EFCAB5: variants seen among roughly 807,000 people sequenced by gnomAD.
EFCAB5 encodes EF-hand calcium binding domain 5, also known as EF-hand calcium-binding domain-containing protein 5.
In EFCAB5, 131 loss-of-function variants were observed where a neutral mutation model predicts 167.9. The observed-to-expected ratio is 0.78, with a 90% confidence interval of 0.68 to 0.90. The LOEUF (loss-of-function observed/expected upper bound fraction) is 0.90. Among genes scored for constraint, EFCAB5 ranks in the 40% least tolerant of loss-of-function variants. The pLI, the probability that EFCAB5 is intolerant of heterozygous loss-of-function variation, is 0.00. For synonymous variants in EFCAB5, 574 were observed against 602.8 expected (o/e 0.95, Z 0.70); for missense variants, 1,663 against 1,745.2 (o/e 0.95, Z 0.84).
intron 20 of EFCAB5, among the ~76,000 whole-genome samples, chr17:30,091,270 G>A (rs2151848415): frequency 6.6e-6 from 1 of 152,320 alleles, no homozygotes; most frequent in African/African-American, 2.4e-5. Flanking sequence ...CATCCACTAG[G>A]CTACTCTCAG....
At chr17:29,951,072 A>G (rs1308366981) in intron 3 of EFCAB5, among the ~76,000 whole-genome samples, 1 of 152,218 alleles carries the variant, frequency 6.6e-6, no homozygotes, top group African/African-American at 2.4e-5. Flanking sequence ...TTGCAAATCC[A>G]ACTTAGAGTT....
intron 14 of EFCAB5, among the ~76,000 whole-genome samples, chr17:30,065,319 T>G (rs1260214865): frequency 6.6e-6 from 1 of 152,176 alleles, no homozygotes; most frequent in Non-Finnish European, 1.5e-5. Context: ...TGAATATAAA[T>G]GGATTAAATC....
At chr17:30,008,999 C>T (rs2068834564) in intron 7 of EFCAB5, among the ~76,000 whole-genome samples, 1 of 152,130 alleles carries the variant, frequency 6.6e-6, no homozygotes, top group Non-Finnish European at 1.5e-5. Flanking sequence ...GTTGGCATTC[C>T]TTTACTTGTG....
chr17:29,941,079 A>C (rs1215378252), upstream of EFCAB5, among the ~76,000 whole-genome samples: 1 of 152,116 alleles, frequency 6.6e-6, no homozygotes, highest in African/African-American at 2.4e-5. Flanking sequence ...ACGCTAGAGC[A>C]TTAGATACAT....
At chr17:29,947,764 T>C (rs1369190899) in intron 3 of EFCAB5, among the ~76,000 whole-genome samples, 2 of 152,170 alleles carry the variant, frequency 1.3e-5, no homozygotes, top group African/African-American at 4.8e-5. Context: ...CAACACCACA[T>C]ACATATACTT....
chr17:30,078,285 G>A lies in EFCAB5; in HGVS notation c.2808G>A (p.Gln936=). 6.2e-7 allele frequency: 1 copy of A among 1,613,954 alleles called. No homozygotes were observed. The highest frequency in any genetic ancestry group is 8.5e-7 in the Non-Finnish European group (1 of 1,179,872). Residue 936 remains glutamine (Q), a synonymous_variant, in exon 15 of 23, where the codon CAG becomes CAA. Transcript: ENST00000394835. ...HEVRLSSKQF[Q]NYIELVVSEL... The stretch of plus-strand genomic sequence containing the variant: ...TGAGATTGTCTTCAAAACAATTTCA[G>A]AATTACATAGAATTGGTTGTGTCTG...
intron 4 of EFCAB5, among the ~76,000 whole-genome samples, chr17:29,979,112 G>T (rs2068119836): frequency 6.6e-6 from 1 of 152,174 alleles, no homozygotes; most frequent in Non-Finnish European, 1.5e-5. Context: ...AGCACTTTGG[G>T]AGGCCGAGGT....
Position 30,056,048 on chromosome 17 carries a change from G to A in EFCAB5, c.2273-16G>A, listed in dbSNP as rs747207231. 11 of 1,613,052 alleles carry A rather than the reference G, an allele frequency of 6.8e-6. No homozygotes were observed. In the South Asian group the frequency reaches 1.1e-4, roughly 16 times the overall value. On this transcript the variant is annotated splice_polypyrimidine_tract_variant and intron_variant, in intron 11 of 22. Transcript: ENST00000394835. ...GCGAAGTTTGATTGGCTATGTTATG[G>A]AATGTGTTTTTACAGGTGAATTTTT...
chr17:30,073,839 T>C (rs1200915293), intron 14 of EFCAB5: 4 of 434,388 alleles, frequency 9.2e-6, no homozygotes, highest in South Asian at 1.1e-4. Context: ...GGCAGGAAGA[T>C]TGCTTGAGCC....
intron 3 of EFCAB5, among the ~76,000 whole-genome samples, chr17:29,952,963 G>A (rs1464937357): frequency 6.6e-6 from 1 of 152,040 alleles, no homozygotes; most frequent in Non-Finnish European, 1.5e-5. Flanking sequence ...TATTTATTGA[G>A]AGTTATTAAT....
chr17:29,970,301 T>C (rs1329652270), intron 4 of EFCAB5, among the ~76,000 whole-genome samples: 1 of 152,172 alleles, frequency 6.6e-6, no homozygotes, highest in African/African-American at 2.4e-5. Context: ...CTCCCTTTCA[T>C]GCATTCGTAC....
chr17:30,108,049 C>T lies in EFCAB5; in HGVS notation c.*25C>T, dbSNP rs1311668547. 3 of 1,580,690 alleles carry T rather than the reference C, an allele frequency of 1.9e-6. No individual in the cohort carries two copies. The highest frequency in any genetic ancestry group is 2.6e-6 in the Non-Finnish European group (3 of 1,168,840). On this transcript the variant is annotated 3_prime_UTR_variant, in exon 23 of 23. Transcript: ENST00000394835. ...ATAATGGATGATAATGGAATTGATACTGTATTTAGGATCCTTTGTTTGTTA... is the reference window on the plus strand; with the variant it reads ...ATAATGGATGATAATGGAATTGATATTGTATTTAGGATCCTTTGTTTGTTA...
chr17:29,941,114 A>T (rs1475137526), upstream of EFCAB5, among the ~76,000 whole-genome samples: 1 of 152,144 alleles, frequency 6.6e-6, no homozygotes, highest in Non-Finnish European at 1.5e-5. Flanking sequence ...GAGTCTCTAG[A>T]CTGTAACTGT....
intron 1 of EFCAB5, chr17:29,929,918 G>A: frequency 3.2e-6 from 5 of 1,581,986 alleles, no homozygotes; most frequent in East Asian, 4.6e-5. Context: ...CAAGCGGAGC[G>A]GCCGCCAGGA....
intron 7 of EFCAB5, among the ~76,000 whole-genome samples, chr17:30,017,775 T>C (rs912322070): frequency 6.6e-6 from 1 of 152,136 alleles, no homozygotes; most frequent in Non-Finnish European, 1.5e-5. Flanking sequence ...TATCTTTCTT[T>C]TTGTCTATTT....
Position 30,013,174 on chromosome 17 carries a change from C to A in EFCAB5, c.1044+13198C>A, listed in dbSNP as rs150833216. Among the ~76,000 whole-genome samples the A allele has an allele frequency of 1.9e-3, 286 of 152,216 alleles. 1 individual carries two copies. Among genetic ancestry groups the A allele is most frequent in the African/African-American group, 6.5e-3 (268 of 41,544 alleles). ...AGCCAACTTGATCTTGGTGGATAAG[C>A]TTTTTGATGTGCTGCTGGATTCGGT... On this transcript the variant is annotated intron_variant, in intron 7 of 22. Coordinates refer to ENST00000394835, the MANE Select transcript of EFCAB5 (RefSeq NM_198529.4).
At chr17:29,976,009 A>T (rs1301276868) in intron 4 of EFCAB5, among the ~76,000 whole-genome samples, 1 of 152,218 alleles carries the variant, frequency 6.6e-6, no homozygotes, top group Non-Finnish European at 1.5e-5. Flanking sequence ...AAATTTAATA[A>T]ATACCTTAAG....
chr17:29,930,213 A>T, intron 1 of EFCAB5: 3 of 554,170 alleles, frequency 5.4e-6, no homozygotes, highest in South Asian at 4.4e-5. Context: ...GCGGTTCCGC[A>T]GCTGCGGGGC....
intron 3 of EFCAB5, among the ~76,000 whole-genome samples, chr17:29,957,425 C>CATAGGTTTTAAT: frequency 6.6e-6 from 1 of 152,124 alleles, no homozygotes; most frequent in Non-Finnish European, 1.5e-5. Context: ...ATCAAACCAT[C>CATAGGTTTTAAT]ACCTAGGTAT....
Sources: gnomAD v4.1 joint callset for allele counts (sites outside exome capture counted in the v4.1 genomes callset) on GRCh38, gnomAD v4.1.1 for gene constraint, MANE v1.5 for transcripts, NCBI Gene and HGNC (gene_info 2026-07-23, HGNC 2026-07-21) for gene names.